Variants in CDH19 observed in about 807,000 individuals in gnomAD.
The protein encoded by CDH19 is cadherin-19.
In CDH19, 67 loss-of-function variants were observed where a neutral mutation model predicts 64.2. The ratio of observed to expected loss-of-function variants is 1.04; its 90% confidence interval spans 0.86 to 1.28. CDH19 has a LOEUF of 1.28. Among genes scored for constraint, CDH19 ranks in the 50% most tolerant of loss-of-function variants. The pLI, the probability that CDH19 is intolerant of heterozygous loss-of-function variation, is 0.00. For synonymous variants in CDH19, 346 were observed against 319.3 expected (o/e 1.08, Z -0.89); for missense variants, 1,030 against 929.0 (o/e 1.11, Z -1.41).
At chr18:66,591,300 C>T (rs867236827) in intron 1 of CDH19, among the ~76,000 whole-genome samples, 1 of 151,888 alleles carries the variant, frequency 6.6e-6, no homozygotes, top group Non-Finnish European at 1.5e-5. Flanking sequence ...TAAATAAATG[C>T]TTATTAATCA....
At position 66,549,553 on chromosome 18, in the gene CDH19, C is replaced by T. The variant is rs891764044; in HGVS notation, c.775+1541G>A. 9.9e-5 allele frequency among the ~76,000 whole-genome samples: 15 copies of T among 152,096 alleles called. No individual in the cohort carries two copies. In the East Asian group the frequency reaches 2.7e-3, roughly 27 times the overall value. ...ATATGTGACACTACACAGAGAGAGACGAAGGTGCAGACTCTGACCCCTTTG... is the reference window on the plus strand; with the variant it reads ...ATATGTGACACTACACAGAGAGAGATGAAGGTGCAGACTCTGACCCCTTTG... On this transcript the variant is annotated intron_variant, in intron 5 of 11. Coordinates refer to ENST00000262150, the MANE Select transcript of CDH19 (RefSeq NM_021153.4).
intron 10 of CDH19, among the ~76,000 whole-genome samples, chr18:66,510,795 T>C (rs1048487599): frequency 3.3e-5 from 5 of 151,436 alleles, no homozygotes; most frequent in Non-Finnish European, 7.4e-5. Flanking sequence ...CAGAAAGGTG[T>C]TGCATTTACT....
chr18:66,519,047 C>T (rs72954409), intron 9 of CDH19, among the ~76,000 whole-genome samples: 66,637 of 151,892 alleles, frequency 0.44, 15,326 homozygotes, highest in African/African-American at 0.57. Context: ...ACCTCTATAA[C>T]ACATTTATAG....
chr18:66,569,923 C>A (rs181938951), intron 2 of CDH19, among the ~76,000 whole-genome samples: 1 of 151,538 alleles, frequency 6.6e-6, no homozygotes, highest in Non-Finnish European at 1.5e-5. Flanking sequence ...ACTTTCTTTG[C>A]GGTTGTGGAG....
chr18:66,534,948 T>C lies in CDH19; in HGVS notation c.1336+38A>G, dbSNP rs370236702. On this transcript the variant is annotated intron_variant, in intron 8 of 11. Coordinates refer to ENST00000262150, the MANE Select transcript of CDH19 (RefSeq NM_021153.4). ...GAAATTTGTAATTATTTACAAAATA[T>C]GGCAAACAACTGTATTGGATTTCAA... 26 of 1,374,656 alleles carry C rather than the reference T, an allele frequency of 1.9e-5. No individual in the cohort carries two copies. The African/African-American group carries it at 3.4e-4, about 18-fold the overall frequency. The allele number at this position is 1,374,656 out of a possible 1,614,324, so 85.2% of individuals were successfully genotyped here. A position where few individuals can be genotyped will look rare whatever the true frequency, so the allele number is the denominator to read the frequency against.
At chr18:66,564,666 A>G (rs1386075599) in intron 3 of CDH19, among the ~76,000 whole-genome samples, 1 of 151,944 alleles carries the variant, frequency 6.6e-6, no homozygotes, top group African/African-American at 2.4e-5. Context: ...AACAAAGTCT[A>G]TTAACACTAA....
intron 9 of CDH19, among the ~76,000 whole-genome samples, chr18:66,522,629 T>C (rs1986045000): frequency 6.6e-6 from 1 of 151,720 alleles, no homozygotes; most frequent in South Asian, 2.1e-4. Context: ...TTTTATCCTT[T>C]TTCTTTTAAA....
At chr18:66,506,312 T>G (rs970216277) in intron 11 of CDH19, among the ~76,000 whole-genome samples, 4 of 151,930 alleles carry the variant, frequency 2.6e-5, no homozygotes, top group African/African-American at 9.7e-5. Context: ...AGAGATAAAT[T>G]GGAATGTTAT....
At chr18:66,543,904 C>T (rs746451055) in intron 7 of CDH19, 67 bp downstream of exon 7, 3 of 1,185,738 alleles carry the variant, frequency 2.5e-6, no homozygotes, top group East Asian at 2.6e-5. Context: ...AGATTGCATG[C>T]AATTTTATTT....
intron 10 of CDH19, among the ~76,000 whole-genome samples, chr18:66,509,731 T>C (rs930505796): frequency 1.1e-4 from 16 of 151,772 alleles, no homozygotes; most frequent in Non-Finnish European, 2.2e-4. Context: ...TTCTAATACT[T>C]GTGACCCATT....
chr18:66,600,012 A>G (rs1988999747), intron 1 of CDH19, among the ~76,000 whole-genome samples: 1 of 151,960 alleles, frequency 6.6e-6, no homozygotes, highest in Non-Finnish European at 1.5e-5. Context: ...TTCATGTTAC[A>G]AGCTGGATTT....
chr18:66,512,459 T>C (rs1168005378), intron 9 of CDH19, among the ~76,000 whole-genome samples: 2 of 151,464 alleles, frequency 1.3e-5, no homozygotes, highest in African/African-American at 4.8e-5. Context: ...TTGTTTCGAA[T>C]TTTCTACAAT....
At position 66,509,194 on chromosome 18, in the gene CDH19, T is replaced by C. The variant is rs1598965040; in HGVS notation, c.1629A>G (p.Glu543=). Residue 543 remains glutamate, a synonymous_variant, in exon 11 of 12, where the codon GAA becomes GAG. Transcript: ENST00000262150. ...TTAAGATGGAGATGTAGAAGACAGGTTCTTCTTGAAGGTTAAAACCAGTTC... is the reference window on the plus strand; with the variant it reads ...TTAAGATGGAGATGTAGAAGACAGGCTCTTCTTGAAGGTTAAAACCAGTTC... ...TNRTGFNLQE[E]PVFYISILIA... is the part of the protein sequence containing the mutation. 6.2e-7 allele frequency: 1 copy of C among 1,612,134 alleles called. No homozygotes were observed. Among genetic ancestry groups the C allele is most frequent in the East Asian group, 2.2e-5 (1 of 44,828 alleles).
intron 1 of CDH19, among the ~76,000 whole-genome samples, chr18:66,586,568 A>C (rs1401905635): frequency 1.3e-5 from 2 of 152,036 alleles, no homozygotes; most frequent in Non-Finnish European, 2.9e-5. Context: ...GAAGGAAGCC[A>C]CAAAGTGTCT....
chr18:66,507,673 C>T (rs1316493961), intron 11 of CDH19, among the ~76,000 whole-genome samples: 1 of 151,822 alleles, frequency 6.6e-6, no homozygotes, highest in Non-Finnish European at 1.5e-5. Context: ...CGCTCTTTTA[C>T]TGGGATTTCT....
chr18:66,521,918 G>GTTTTTGTTT lies in CDH19; in HGVS notation c.1458+7926_1458+7927insAAACAAAAA, dbSNP rs71169150. Among the ~76,000 whole-genome samples the GTTTTTGTTT allele has an allele frequency of 1.6e-3, 95 of 59,548 alleles. 1 individual carries two copies. Among genetic ancestry groups the GTTTTTGTTT allele is most frequent in the African/African-American group, 8.1e-3 (91 of 11,220 alleles). 39.1% of individuals were successfully genotyped at this position (59,548 alleles called of 152,430 possible). On this transcript the variant is annotated intron_variant, in intron 9 of 11. Coordinates refer to ENST00000262150, the MANE Select transcript of CDH19 (RefSeq NM_021153.4). ...CAGGGTTTATGTAGTTACTTGTTCT[G>GTTTTTGTTT]TTGTTGTTGTTGTTGTTGTTGTTGT...
At chr18:66,593,083 T>A (rs1378144423) in intron 1 of CDH19, among the ~76,000 whole-genome samples, 1 of 151,884 alleles carries the variant, frequency 6.6e-6, no homozygotes, top group Non-Finnish European at 1.5e-5. Flanking sequence ...GACTTTTTGA[T>A]AATGGACATT....
intron 9 of CDH19, among the ~76,000 whole-genome samples, chr18:66,514,387 TGG>T (rs1353009462): frequency 6.6e-6 from 1 of 151,348 alleles, no homozygotes; most frequent in Non-Finnish European, 1.5e-5. Context: ...CCAAAAATAA[TGG>T]TTAAAAATAG....
chr18:66,508,944 C>T (rs765120513), intron 11 of CDH19, 51 bp downstream of exon 11: 3 of 1,576,340 alleles, frequency 1.9e-6, no homozygotes, highest in South Asian at 1.1e-5. Context: ...GCACCACCTA[C>T]CAAATATGAT....
Sources: gnomAD v4.1 joint callset for allele counts (sites outside exome capture counted in the v4.1 genomes callset) on GRCh38, gnomAD v4.1.1 for gene constraint, MANE v1.5 for transcripts, NCBI Gene and HGNC (gene_info 2026-07-23, HGNC 2026-07-21) for gene names.